PCDHGA4: variants seen among roughly 807,000 people sequenced by gnomAD.
PCDHGA4 encodes protocadherin gamma-A4.
PCDHGA4 carries 38 observed loss-of-function variants against 54.6 expected under a neutral mutation model. The ratio of observed to expected loss-of-function variants is 0.70; its 90% CI spans 0.54 to 0.91. PCDHGA4 has a LOEUF of 0.91. Among genes scored for constraint, PCDHGA4 ranks in the 40% least tolerant of loss-of-function variants. PCDHGA4 has a pLI of 0.00. For missense variants in PCDHGA4, 1,298 were observed against 1,220.9 expected, an observed-to-expected ratio of 1.06 and a Z score of -0.94; for synonymous variants, 511 against 512.9, an observed-to-expected ratio of 1.00 and a Z score of 0.05.
At position 141,357,136 on chromosome 5, in the gene PCDHGA4, G is replaced by A; in HGVS notation, c.2029G>A (p.Val677Ile). ...DALKQRLVVV[V>I]QDHGQPPLSA... The stretch of plus-strand genomic sequence containing the variant: ...GCTCAAGCAGAGGCTTGTAGTGGTC[G>A]TCCAGGACCATGGCCAGCCCCCTCT... Residue 677 changes from valine (V) to isoleucine (I), a missense_variant, in exon 1 of 4, where the codon GTC (valine) becomes ATC (isoleucine). Transcript: ENST00000571252. 1.2e-6 allele frequency: 2 copies of A among 1,613,540 alleles called. No individual in the cohort carries two copies. Among genetic ancestry groups the A allele is most frequent in the Non-Finnish European group, 1.7e-6 (2 of 1,179,882 alleles).
At chr5:141,422,038 G>A (rs949164524) in intron 1 of PCDHGA4, 9 of 1,611,746 alleles carry the variant, frequency 5.6e-6, no homozygotes, top group Non-Finnish European at 7.6e-6. Context: ...AACGGATCCA[G>A]ACGAGGGAAT....
chr5:141,451,874 C>T (rs1264178631), intron 1 of PCDHGA4, among the ~76,000 whole-genome samples: 1 of 151,956 alleles, frequency 6.6e-6, no homozygotes, highest in Non-Finnish European at 1.5e-5. Context: ...GAATGAAACC[C>T]TGTCAAGAAA....
chr5:141,464,184 G>T (rs1348739162), intron 1 of PCDHGA4, among the ~76,000 whole-genome samples: 1 of 150,316 alleles, frequency 6.7e-6, no homozygotes, highest in Non-Finnish European at 1.5e-5. Flanking sequence ...AGAATTGCTT[G>T]ATTTCAGGAG....
At chr5:141,394,203 A>G (rs1380354099) in intron 1 of PCDHGA4, 1 of 1,613,814 alleles carries the variant, frequency 6.2e-7, no homozygotes, top group Non-Finnish European at 8.5e-7. Context: ...TATCCTAGAG[A>G]ACAACCTGAG....
At position 141,366,595 on chromosome 5, in the gene PCDHGA4, C is replaced by G. The variant is rs373756207; in HGVS notation, c.2514+8974C>G. 4.3e-6 allele frequency: 7 copies of G among 1,614,146 alleles called. No individual in the cohort carries two copies. The Admixed American group carries it at 8.3e-5, about 19-fold the overall frequency. On this transcript the variant is annotated intron_variant, in intron 1 of 3. Coordinates refer to ENST00000571252, the MANE Select transcript of PCDHGA4 (RefSeq NM_018917.4). ...GGGCTTTCCTGCAGACCTATTCCCA[C>G]GAGGTCTCCCTCACCGCGGACTCGA...
At position 141,408,680 on chromosome 5, in the gene PCDHGA4, C is replaced by G. The variant is rs774572788; in HGVS notation, c.2514+51059C>G. 1.5e-4 allele frequency: 245 copies of G among 1,613,812 alleles called. No homozygotes were observed. Among genetic ancestry groups the G allele is most frequent in the Non-Finnish European group, 1.9e-4 (222 of 1,179,872 alleles). On this transcript the variant is annotated intron_variant, in intron 1 of 3. Coordinates refer to ENST00000571252, the MANE Select transcript of PCDHGA4 (RefSeq NM_018917.4). ...ACTATCGCTTGACCCTGCCACGGAT[C>G]CTGATATAAACATAAACTCAATTAA...
intron 1 of PCDHGA4, chr5:141,388,986 A>G (rs756279125): frequency 2.5e-6 from 4 of 1,613,952 alleles, no homozygotes; most frequent in Non-Finnish European, 3.4e-6. Flanking sequence ...TGCTTTGCTC[A>G]AAGTCCGTGA....
intron 1 of PCDHGA4, chr5:141,403,168 G>A: frequency 1.2e-6 from 2 of 1,614,032 alleles, no homozygotes; most frequent in African/African-American, 1.3e-5. Context: ...GAGGTAGGAC[G>A]CAGCTTTTCT....
rs147522770 is a variant in PCDHGA4, at chr5:141,504,573, C to T, written c.2574-820C>T. On this transcript the variant is annotated intron_variant, in intron 2 of 3. Coordinates refer to ENST00000571252, the MANE Select transcript of PCDHGA4 (RefSeq NM_018917.4). ...TGGGGGACTGGCATTCTAGGGAACA[C>T]CATCTGCCCAGGATTCACAGCAAGA... Among the ~76,000 whole-genome samples the T allele has an allele frequency of 5.4e-5, 8 of 148,158 alleles. No individual in the cohort carries two copies. In the East Asian group the frequency reaches 1.6e-3, roughly 30 times the overall value.
At chr5:141,361,456 C>T (rs529112132) in intron 1 of PCDHGA4, 1 of 1,614,034 alleles carries the variant, frequency 6.2e-7, no homozygotes, top group South Asian at 1.1e-5. Context: ...TGTCACCCTG[C>T]ACATCTCCGA....
chr5:141,410,435 G>C (rs772158163), intron 1 of PCDHGA4: 5 of 1,614,054 alleles, frequency 3.1e-6, no homozygotes, highest in Non-Finnish European at 4.2e-6. Flanking sequence ...CAACTACAGT[G>C]AGGGGACTTT....
intron 1 of PCDHGA4, chr5:141,382,815 C>T (rs1166972077): frequency 5.6e-6 from 7 of 1,260,548 alleles, no homozygotes; most frequent in Non-Finnish European, 7.7e-6. Flanking sequence ...GCTCCCCTTC[C>T]TAAGACAGAG....
In PCDHGA4 at chr5:141,490,390, G is replaced by C. The variant is rs2099699651; in HGVS notation, c.2515-4417G>C. The C allele has an allele frequency of 6.2e-7, 1 of 1,614,074 alleles. No individual in the cohort carries two copies. The highest frequency in any genetic ancestry group is 8.5e-7 in the Non-Finnish European group (1 of 1,180,040). On this transcript the variant is annotated intron_variant, in intron 1 of 3. Coordinates refer to ENST00000571252, the MANE Select transcript of PCDHGA4 (RefSeq NM_018917.4). This position sits in a 1 kb window ranked among gnomAD's most constrained non-coding sequence, Gnocchi z 5.4. ...AGACCGGGACTCAGGTAGAAATGGT[G>C]AAGTGAGCCTTGATATCTCTCCGGA... is the stretch of plus-strand genomic sequence containing the variant.
At chr5:141,403,196 G>A (rs762413220) in intron 1 of PCDHGA4, 6 of 1,613,986 alleles carry the variant, frequency 3.7e-6, no homozygotes, top group East Asian at 4.5e-5. Flanking sequence ...CCCGCGCAGC[G>A]GCACCTTGGT....
At position 141,486,121 on chromosome 5, in the gene PCDHGA4, T is replaced by C. The variant is rs371827617; in HGVS notation, c.2515-8686T>C. 5.6e-6 allele frequency: 9 copies of C among 1,614,086 alleles called. No individual in the cohort carries two copies. The highest frequency in any genetic ancestry group is 2.2e-5 in the South Asian group (2 of 91,082). ...TAGACTTTGAGAGTGAGAATTACTATGAATTTGATGTGCGGGCTCGCGATG... is the reference window on the plus strand; with the variant it reads ...TAGACTTTGAGAGTGAGAATTACTACGAATTTGATGTGCGGGCTCGCGATG... On this transcript the variant is annotated intron_variant, in intron 1 of 3. Coordinates refer to ENST00000571252, the MANE Select transcript of PCDHGA4 (RefSeq NM_018917.4). This position sits in a 1 kb window ranked among gnomAD's most constrained non-coding sequence, Gnocchi z 5.0.
chr5:141,420,465 A>G, intron 1 of PCDHGA4: 1 of 807,604 alleles, frequency 1.2e-6, no homozygotes. Context: ...ATTCAAAGAC[A>G]TTTTAAAGCA....
At chr5:141,427,856 C>T (rs1487451079) in intron 1 of PCDHGA4, 6 of 1,553,060 alleles carry the variant, frequency 3.9e-6, no homozygotes, top group Non-Finnish European at 5.3e-6. Flanking sequence ...AGCAGCTGTG[C>T]GCCTTCGAGC....
Position 141,491,726 on chromosome 5 carries a change from C to A in PCDHGA4, c.2515-3081C>A, listed in dbSNP as rs1018940432. ...GTGAGGGGCTCGGCGCCGCCCCGGG[C>A]GACCCCTGGGGGCGGCACTGGAGAA... On this transcript the variant is annotated intron_variant, in intron 1 of 3. Coordinates refer to ENST00000571252, the MANE Select transcript of PCDHGA4 (RefSeq NM_018917.4). This position sits in a 1 kb window ranked among gnomAD's most constrained non-coding sequence, Gnocchi z 6.9. 2.2e-5 allele frequency: 36 copies of A among 1,605,766 alleles called. No individual in the cohort carries two copies. Among genetic ancestry groups the A allele is most frequent in the African/African-American group, 4.0e-5 (3 of 74,588 alleles).
rs2099085120 is a variant in PCDHGA4, at chr5:141,464,455, T to C, written c.2515-30352T>C. Among the ~76,000 whole-genome samples, 2 of 151,794 alleles carry C rather than the reference T, an allele frequency of 1.3e-5. 1 individual carries two copies. Among genetic ancestry groups the C allele is most frequent in the Non-Finnish European group, 2.9e-5 (2 of 67,958 alleles). On this transcript the variant is annotated intron_variant, in intron 1 of 3. Coordinates refer to ENST00000571252, the MANE Select transcript of PCDHGA4 (RefSeq NM_018917.4). ...TATATGTTTGTTGTTGTTGTTGTTA[T>C]TTTTGAAGTATGTACGTATAATAAA...
Sources: gnomAD v4.1 joint callset for allele counts (sites outside exome capture counted in the v4.1 genomes callset) on GRCh38, gnomAD v4.1.1 for gene constraint, Gnocchi (gnomAD v3.1) non-coding constraint, MANE v1.5 for transcripts, NCBI Gene and HGNC (gene_info 2026-07-23, HGNC 2026-07-21) for gene names.